The following RCOR2 variants were observed in gnomAD, a reference collection of about 807,000 sequenced individuals.
RCOR2 encodes the protein REST corepressor 2.
Under a neutral mutation model 58.9 loss-of-function variants are expected in RCOR2, and 19 were observed. That is an observed-to-expected ratio of 0.32 (90% CI 0.23 to 0.47). The LOEUF is 0.47. RCOR2 is among the 20% of genes least tolerant of loss of function. RCOR2 has a pLI of 1.00. For missense variants in RCOR2, 590 were observed against 707.9 expected (o/e 0.83, Z 1.89); for synonymous variants, 286 against 278.7 (o/e 1.03, Z -0.26).
At chr11:63,926,416 C>T in the RCOR2 span, among the ~76,000 whole-genome samples, 1 of 152,212 alleles carries the variant, frequency 6.6e-6, no homozygotes, top group African/African-American at 2.4e-5. Flanking sequence ...CCTCTCTTTC[C>T]TCCAAGTCTT....
chr11:63,925,669 T>A, the RCOR2 span, among the ~76,000 whole-genome samples: 1 of 146,274 alleles, frequency 6.8e-6, no homozygotes, highest in East Asian at 2.0e-4. Flanking sequence ...AAAAAAAAAA[T>A]TAGCCAGGTG....
In RCOR2 at chr11:63,914,158, A is replaced by G. The variant is rs757622971; in HGVS notation, c.687T>C (p.Ser229=). The change falls in exon 8 of 12, where the codon TCT becomes TCC. Residue 229 remains serine, a synonymous_variant. Coordinates refer to ENST00000301459, the MANE Select transcript of RCOR2 (RefSeq NM_173587.4). Reference sequence around the variant, plus strand: ...GGCCTGGGCGTGCATTCAGGGGCCGAGAGGGTAGAGGCTGCCAGTGAAAGG... The same window carrying G: ...GGCCTGGGCGTGCATTCAGGGGCCGGGAGGGTAGAGGCTGCCAGTGAAAGG... The part of the protein sequence containing the change: ...PADPKREPLP[S]RPLNARPGPG... 6.2e-7 allele frequency: 1 copy of G among 1,613,612 alleles called. No homozygotes were observed. The highest frequency in any genetic ancestry group is 1.1e-5 in the South Asian group (1 of 91,060).
rs1307200795 is a variant in RCOR2 at position 63,911,773 on chromosome 11, C to T, written c.*92G>A. 2 of 1,433,150 alleles carry T rather than the reference C, an allele frequency of 1.4e-6. No homozygotes were observed. The highest frequency in any genetic ancestry group is 1.8e-6 in the Non-Finnish European group (2 of 1,106,980). The allele number at this position is 1,433,150 out of a possible 1,614,324, so 88.8% of individuals were successfully genotyped here. ...GTCTTACAAAGACCCCGCCAGAGCC[C>T]TAGTCCCTTCTGTCCTCAGTGACAC... On this transcript the variant is annotated 3_prime_UTR_variant, in exon 12 of 12. Transcript: ENST00000301459.
chr11:63,918,441 A>C (rs758086901), upstream of RCOR2, among the ~76,000 whole-genome samples: 148 of 152,102 alleles, frequency 9.7e-4, no homozygotes, highest in Non-Finnish European at 2.0e-3. Context: ...GTCGAGCCAC[A>C]TGGGGCCACC....
At position 63,911,893 on chromosome 11, in the gene RCOR2, G is replaced by C; in HGVS notation, c.1544C>G (p.Pro515Arg). 1.4e-6 allele frequency: 2 copies of C among 1,414,394 alleles called. No individual in the cohort carries two copies. The highest frequency in any genetic ancestry group is 9.4e-7 in the Non-Finnish European group (1 of 1,067,534). 87.6% of individuals were successfully genotyped at this position (1,414,394 alleles called of 1,614,324 possible). A position where few individuals can be genotyped will look rare whatever the true frequency, so the allele number is the denominator to read the frequency against. ...PQPPPTLIGT[P>R]LEPPAPSL ...GAGTGAGGGTGCTGGGGGCTCCAGAGGGGTTCCAATCAGGGTGGGTGGGGG... is the reference window on the plus strand; with the variant it reads ...GAGTGAGGGTGCTGGGGGCTCCAGACGGGTTCCAATCAGGGTGGGTGGGGG... Residue 515 changes from proline to arginine, a missense_variant, in exon 12 of 12, where the codon CCT (proline) becomes CGT (arginine). Around this residue, in one of 3 missense-constraint regions of RCOR2, gnomAD observed 196 missense variants for 210.7 expected, o/e 0.93. Transcript: ENST00000301459.
chr11:63,923,460 C>T, the RCOR2 span, among the ~76,000 whole-genome samples: 1 of 152,056 alleles, frequency 6.6e-6, no homozygotes, highest in Non-Finnish European at 1.5e-5. Context: ...ACCTCCCACT[C>T]ACTCCCCAAC....
chr11:63,915,165 G>C lies in RCOR2; in HGVS notation c.265+13C>G. Reference sequence around the variant, plus strand: ...ACCCAAGCCCCCACCTCCCAGGGCTGTGCCCCACTCACGCTTGGCATCTGA... The same window carrying C: ...ACCCAAGCCCCCACCTCCCAGGGCTCTGCCCCACTCACGCTTGGCATCTGA... On this transcript the variant is annotated intron_variant, in intron 3 of 11. Coordinates refer to ENST00000301459, the MANE Select transcript of RCOR2 (RefSeq NM_173587.4). The C allele has an allele frequency of 6.5e-7, 1 of 1,549,228 alleles. No individual in the cohort carries two copies. The highest frequency in any genetic ancestry group is 8.7e-7 in the Non-Finnish European group (1 of 1,144,980).
Position 63,911,625 on chromosome 11 carries a change from A to C in RCOR2, c.*240T>G. ...ACAGCCATTCCAGTACCGGCCAGGA[A>C]GCGAAAGTGCCCTCAGGCCAGCTCA... On this transcript the variant is annotated 3_prime_UTR_variant, in exon 12 of 12. Transcript: ENST00000301459. 2.1e-6 allele frequency: 1 copy of C among 481,808 alleles called. No homozygotes were observed. Among genetic ancestry groups the C allele is most frequent in the Non-Finnish European group, 3.5e-6 (1 of 288,356 alleles). 29.8% of individuals were successfully genotyped at this position (481,808 alleles called of 1,614,324 possible).
At chr11:63,925,548 G>A in the RCOR2 span, among the ~76,000 whole-genome samples, 3 of 152,090 alleles carry the variant, frequency 2.0e-5, no homozygotes, top group Admixed American at 1.3e-4. Flanking sequence ...GCCAGGTGCA[G>A]TGGCTCACAC....
chr11:63,915,836 G>C (rs1166048977), intron 1 of RCOR2, among the ~76,000 whole-genome samples: 2 of 152,240 alleles, frequency 1.3e-5, no homozygotes, highest in Admixed American at 6.5e-5. Context: ...GGGGCTGGAG[G>C]GTGGACAAGG....
At chr11:63,919,125 CTTCTG>C (rs1440538575), upstream of RCOR2, among the ~76,000 whole-genome samples, 1 of 152,030 alleles carries the variant, frequency 6.6e-6, no homozygotes, top group East Asian at 1.9e-4. Context: ...TGCAATGAGG[CTTCTG>C]CCTAGGAGGT....
chr11:63,912,983 C>T, intron 8 of RCOR2, 36 bp from the exon 9 acceptor site: 1 of 1,580,536 alleles, frequency 6.3e-7, no homozygotes, highest in Non-Finnish European at 8.6e-7. Flanking sequence ...TATCAGACTC[C>T]CATCTCAGGC....
chr11:63,919,430 C>A (rs1455339238), upstream of RCOR2, among the ~76,000 whole-genome samples: 1 of 152,166 alleles, frequency 6.6e-6, no homozygotes, highest in Admixed American at 6.5e-5. Context: ...CCCCTCCCTG[C>A]CGCCCCGGGG....
At chr11:63,915,454 G>A in intron 2 of RCOR2, 101 bp downstream of exon 2, 4 of 1,312,274 alleles carry the variant, frequency 3.0e-6, no homozygotes, top group Admixed American at 2.0e-5. Context: ...CTGCCAGCCT[G>A]CCCTTCCAGG....
the RCOR2 span, among the ~76,000 whole-genome samples, chr11:63,925,642 AC>A: frequency 7.0e-6 from 1 of 142,804 alleles, no homozygotes; most frequent in African/African-American, 2.7e-5. Context: ...ACATGACAAG[AC>A]CCCTGCCTCT....
chr11:63,916,136 G>A lies in RCOR2; in HGVS notation c.127+194C>T, dbSNP rs558386746. 2.6e-5 allele frequency among the ~76,000 whole-genome samples: 4 copies of A among 152,356 alleles called. No individual in the cohort carries two copies. In the East Asian group the frequency reaches 5.8e-4, roughly 22 times the overall value. On this transcript the variant is annotated intron_variant, in intron 1 of 11. Coordinates refer to ENST00000301459, the MANE Select transcript of RCOR2 (RefSeq NM_173587.4). ...CAGGGGCCGGCAGGACGCCTCCACA[G>A]CAGCTAGGGGCCCAGGTTCCAGATT...
chr11:63,918,167 A>G (rs1395111852), upstream of RCOR2, among the ~76,000 whole-genome samples: 3 of 67,934 alleles, frequency 4.4e-5, no homozygotes, highest in Non-Finnish European at 8.2e-5. Flanking sequence ...ACCTCCACCC[A>G]GGCACACCCC....
Position 63,911,783 on chromosome 11 carries a change from C to T in RCOR2, c.*82G>A, listed in dbSNP as rs1941762382. ...GACCCCGCCAGAGCCCTAGTCCCTT[C>T]TGTCCTCAGTGACACCAGAGATGCC... On this transcript the variant is annotated 3_prime_UTR_variant, in exon 12 of 12. Transcript: ENST00000301459. 1.4e-6 allele frequency: 2 copies of T among 1,453,180 alleles called. No individual in the cohort carries two copies. The highest frequency in any genetic ancestry group is 1.8e-6 in the Non-Finnish European group (2 of 1,117,948). 90.0% of individuals were successfully genotyped at this position (1,453,180 alleles called of 1,614,324 possible).
At position 63,911,661 on chromosome 11, in the gene RCOR2, A is replaced by G. The variant is rs1332239424; in HGVS notation, c.*204T>C. On this transcript the variant is annotated 3_prime_UTR_variant, in exon 12 of 12. Coordinates refer to ENST00000301459, the MANE Select transcript of RCOR2 (RefSeq NM_173587.4). ...CCTCAGGCCAGCTCAAAGGCCCCTG[A>G]GCCCGGCCATGGCCCCAGGAGACAG... 3.8e-6 allele frequency: 3 copies of G among 783,962 alleles called. No homozygotes were observed. Among genetic ancestry groups the G allele is most frequent in the Non-Finnish European group, 1.8e-6 (1 of 551,206 alleles). 48.6% of individuals were successfully genotyped at this position (783,962 alleles called of 1,614,324 possible). A position where few individuals can be genotyped will look rare whatever the true frequency, so the allele number is the denominator to read the frequency against.
Sources: gnomAD v4.1 joint callset for allele counts (sites outside exome capture counted in the v4.1 genomes callset) on GRCh38, gnomAD v4.1.1 for gene constraint, gnomAD v4.1.1 regional missense constraint, MANE v1.5 for transcripts, NCBI Gene and HGNC (gene_info 2026-07-23, HGNC 2026-07-21) for gene names.